The following PLXNA2 variants were observed in gnomAD, a reference collection of about 807,000 sequenced individuals.
PLXNA2 encodes plexin-A2.
In PLXNA2, 91 loss-of-function variants were observed where a neutral mutation model predicts 193.5. That is an observed-to-expected ratio of 0.47 (90% CI 0.40 to 0.56). PLXNA2 has a LOEUF of 0.56. PLXNA2 is among the 20% of genes least tolerant of loss of function. PLXNA2 has a pLI of 0.00. For synonymous variants in PLXNA2, 997 were observed against 1,027.3 expected (o/e 0.97, Z 0.56); for missense variants, 1,995 against 2,503.2 (o/e 0.80, Z 4.33).
intron 3 of PLXNA2, among the ~76,000 whole-genome samples, chr1:208,187,209 T>G (rs951141917): frequency 6.6e-6 from 1 of 152,158 alleles, no homozygotes; most frequent in Non-Finnish European, 1.5e-5. Flanking sequence ...GTGACTGTCA[T>G]GAGGATTAAA....
chr1:208,067,945 AC>A (rs1385519221), intron 12 of PLXNA2, among the ~76,000 whole-genome samples: 1 of 152,064 alleles, frequency 6.6e-6, no homozygotes, highest in African/African-American at 2.4e-5. Flanking sequence ...ACAAATGCCT[AC>A]CCATCCTCAA....
chr1:208,061,960 G>T (rs922097326), intron 12 of PLXNA2, among the ~76,000 whole-genome samples: 4 of 152,308 alleles, frequency 2.6e-5, no homozygotes, highest in African/African-American at 9.6e-5. Flanking sequence ...ATGAGACCCA[G>T]AGAAGTCAGG....
chr1:208,039,727 A>C lies in PLXNA2; in HGVS notation c.4394T>G (p.Ile1465Ser). The C allele has an allele frequency of 6.2e-7, 1 of 1,614,094 alleles. No homozygotes were observed. The highest frequency in any genetic ancestry group is 8.5e-7 in the Non-Finnish European group (1 of 1,180,016). ...GGGGCCCTTCTCCATCTGCTGCTTG[A>C]TGGCACAGTATAGCATGAAGAGTGG... is the stretch of plus-strand genomic sequence containing the variant. ...GEPLFMLYCAIKQQMEKGPID... is the reference protein window; with the variant it reads ...GEPLFMLYCASKQQMEKGPID... The change falls in exon 24 of 32, where the codon ATC becomes AGC. Residue 1465 changes from isoleucine to serine, a missense_variant. Ile to Ser is a moderately radical substitution (Grantham distance 142, BLOSUM62 -2). Coordinates refer to ENST00000367033, the MANE Select transcript of PLXNA2 (RefSeq NM_025179.4).
rs1664767967 is a variant in PLXNA2 at position 208,038,991 on chromosome 1, G to A, written c.4501-7C>T. On this transcript the variant is annotated splice_region_variant and splice_polypyrimidine_tract_variant and intron_variant, in intron 24 of 31. Transcript: ENST00000367033. This position sits in a 1 kb window ranked among gnomAD's most constrained non-coding sequence, Gnocchi z 4.1. ...GGTTGACGCAGTTCAGGATCTACAA[G>A]TAGGGGACAGAGGGTGAGCAGGACA... is the stretch of plus-strand genomic sequence containing the variant. 6.2e-7 allele frequency: 1 copy of A among 1,613,120 alleles called. No individual in the cohort carries two copies. The highest frequency in any genetic ancestry group is 8.5e-7 in the Non-Finnish European group (1 of 1,179,282).
At position 208,217,821 on chromosome 1, in the gene PLXNA2, G is replaced by C; in HGVS notation, c.102C>G (p.Gly34=). The C allele has an allele frequency of 6.2e-7, 1 of 1,614,150 alleles. No homozygotes were observed. The highest frequency in any genetic ancestry group is 8.5e-7 in the Non-Finnish European group (1 of 1,180,030). ...VWVLLAPPAA[G]MPQFSTFHSE... is the part of the protein sequence containing the mutation. ...AGTGGAAGGTGCTGAACTGAGGCAT[G>C]CCGGCTGCTGGGGGGGCCAGCAGCA... The change falls in exon 2 of 32, where the codon GGC becomes GGG. Residue 34 remains glycine, a synonymous_variant. Coordinates refer to ENST00000367033, the MANE Select transcript of PLXNA2 (RefSeq NM_025179.4). This position sits in a 1 kb window ranked among gnomAD's most constrained non-coding sequence, Gnocchi z 4.7.
At chr1:208,155,433 T>C (rs1458904899) in intron 3 of PLXNA2, among the ~76,000 whole-genome samples, 1 of 152,148 alleles carries the variant, frequency 6.6e-6, no homozygotes, top group Non-Finnish European at 1.5e-5. Context: ...CTGGCTTTTG[T>C]GTAAAGTACT....
chr1:208,081,751 C>T (rs950215209), intron 11 of PLXNA2, among the ~76,000 whole-genome samples: 1 of 152,164 alleles, frequency 6.6e-6, no homozygotes, highest in Non-Finnish European at 1.5e-5. Context: ...CTACCCATCA[C>T]GAGTCCTCAT....
In PLXNA2 at chr1:208,072,303, C is replaced by A. The variant is rs546015015; in HGVS notation, c.2586+6957G>T. On this transcript the variant is annotated intron_variant, in intron 12 of 31. Transcript: ENST00000367033. The stretch of plus-strand genomic sequence containing the variant: ...TGGAGAAACAGCTGTTAAACTAACA[C>A]CCCCACTGCCTGGCATCAATGTGGC... Among the ~76,000 whole-genome samples, 25 of 152,320 alleles carry A rather than the reference C, an allele frequency of 1.6e-4. No individual in the cohort carries two copies. In the East Asian group the frequency reaches 2.9e-3, roughly 18 times the overall value.
chr1:208,212,449 G>A (rs1670993627), intron 2 of PLXNA2, among the ~76,000 whole-genome samples: 1 of 152,156 alleles, frequency 6.6e-6, no homozygotes, highest in Non-Finnish European at 1.5e-5. Context: ...AAATTTTTAG[G>A]TTAAGATGAC....
chr1:208,153,632 C>T (rs186459853), intron 3 of PLXNA2, among the ~76,000 whole-genome samples: 5 of 152,278 alleles, frequency 3.3e-5, no homozygotes, highest in East Asian at 1.9e-4. Flanking sequence ...GACCACTAAG[C>T]GGAAAGCCTG....
At chr1:208,207,250 C>T (rs1670760939) in intron 3 of PLXNA2, among the ~76,000 whole-genome samples, 1 of 152,228 alleles carries the variant, frequency 6.6e-6, no homozygotes, top group Admixed American at 6.5e-5. Context: ...AGGTGATCCA[C>T]CTGCCTCGGC....
intron 8 of PLXNA2, among the ~76,000 whole-genome samples, chr1:208,095,483 T>C (rs1237177257): frequency 6.6e-6 from 1 of 152,172 alleles, no homozygotes; most frequent in African/African-American, 2.4e-5. Flanking sequence ...CTTGAAAATA[T>C]TGAAGGATGG....
At chr1:208,121,245 T>C (rs1241115609) in intron 4 of PLXNA2, among the ~76,000 whole-genome samples, 1 of 152,090 alleles carries the variant, frequency 6.6e-6, no homozygotes, top group African/African-American at 2.4e-5. Context: ...TCAATCGCTA[T>C]CCCTTTCAGG....
In PLXNA2 at chr1:208,046,028, G is replaced by A. The variant is rs1488386995; in HGVS notation, c.3345C>T (p.Arg1115=). ...DYRPGLDTVE[R]PDEFGFVFNN... ...TAAAGACAAATCCAAACTCATCTGGGCGTTCCACAGTGTCCAGGCCAGGGC... is the reference window on the plus strand; with the variant it reads ...TAAAGACAAATCCAAACTCATCTGGACGTTCCACAGTGTCCAGGCCAGGGC... The change falls in exon 18 of 32, where the codon CGC becomes CGT. Residue 1115 remains arginine, a synonymous_variant. Coordinates refer to ENST00000367033, the MANE Select transcript of PLXNA2 (RefSeq NM_025179.4). 5 of 1,614,242 alleles carry A rather than the reference G, an allele frequency of 3.1e-6. No homozygotes were observed. Among genetic ancestry groups the A allele is most frequent in the East Asian group, 2.2e-5 (1 of 44,878 alleles).
intron 4 of PLXNA2, among the ~76,000 whole-genome samples, chr1:208,108,566 CT>C (rs1264686665): frequency 6.6e-6 from 1 of 152,200 alleles, no homozygotes; most frequent in Non-Finnish European, 1.5e-5. Context: ...GTTCTGAGCT[CT>C]TCTATGGCTC....
At chr1:208,187,292 C>T (rs1158545623) in intron 3 of PLXNA2, among the ~76,000 whole-genome samples, 3 of 152,144 alleles carry the variant, frequency 2.0e-5, no homozygotes, top group Non-Finnish European at 4.4e-5. Context: ...AATTATTCCA[C>T]ATCTGGAAAA....
intron 3 of PLXNA2, among the ~76,000 whole-genome samples, chr1:208,192,456 A>G (rs748270016): frequency 2.0e-5 from 3 of 150,208 alleles, no homozygotes; most frequent in Non-Finnish European, 2.9e-5. Flanking sequence ...TTTTTTTTTA[A>G]ACAACAAAAA....
At chr1:208,175,914 G>A (rs12033110) in intron 3 of PLXNA2, among the ~76,000 whole-genome samples, 27,784 of 152,090 alleles carry the variant, frequency 0.18, 3,326 homozygotes, top group East Asian at 0.49. Context: ...GACACGGGCC[G>A]GCTTCCCATT....
chr1:208,093,598 T>C (rs1411393634), intron 8 of PLXNA2, among the ~76,000 whole-genome samples: 1 of 152,240 alleles, frequency 6.6e-6, no homozygotes, highest in African/African-American at 2.4e-5. Context: ...TTTCAACCTC[T>C]TAAATAACAT....
Sources: gnomAD v4.1 joint callset for allele counts (sites outside exome capture counted in the v4.1 genomes callset) on GRCh38, gnomAD v4.1.1 for gene constraint, Gnocchi (gnomAD v3.1) non-coding constraint, MANE v1.5 for transcripts, NCBI Gene and HGNC (gene_info 2026-07-23, HGNC 2026-07-21) for gene names.